NWD2: variants seen among roughly 807,000 people sequenced by gnomAD.
NWD2 encodes NACHT and WD repeat domain-containing protein 2.
Under a neutral mutation model 132.7 loss-of-function variants are expected in NWD2, and 37 were observed. The ratio of observed to expected loss-of-function variants is 0.28; its 90% CI spans 0.21 to 0.37. The LOEUF (loss-of-function observed/expected upper bound fraction) is 0.37, where lower values mean the gene tolerates loss of function less well. Among genes scored for constraint, NWD2 ranks in the 10% least tolerant of loss-of-function variants. The pLI, the probability that NWD2 is intolerant of heterozygous loss-of-function variation, is 1.00. For synonymous variants in NWD2, 705 were observed against 803.0 expected (o/e 0.88, Z 2.06); for missense variants, 1,592 against 2,122.4 (o/e 0.75, Z 4.91).
At position 37,430,784 on chromosome 4, in the gene NWD2, C is replaced by T. The variant is rs1382769363; in HGVS notation, c.561+9C>T. Reference sequence around the variant, plus strand: ...GAAGCAATAGAAATGCAGTAAGCTGCCTTTCCCTCAAGCCTATGGATCTGT... The same window carrying T: ...GAAGCAATAGAAATGCAGTAAGCTGTCTTTCCCTCAAGCCTATGGATCTGT... On this transcript the variant is annotated intron_variant, in intron 4 of 6. Coordinates refer to ENST00000309447, the MANE Select transcript of NWD2 (RefSeq NM_001144990.2). The T allele has an allele frequency of 6.5e-7, 1 of 1,549,350 alleles. No individual in the cohort carries two copies. Among genetic ancestry groups the T allele is most frequent in the South Asian group, 1.2e-5 (1 of 84,026 alleles).
intron 1 of NWD2, among the ~76,000 whole-genome samples, chr4:37,299,073 C>T (rs772697120): frequency 6.6e-6 from 1 of 152,106 alleles, no homozygotes; most frequent in Non-Finnish European, 1.5e-5. Context: ...AATTTCTCTT[C>T]AAATCTCTCA....
intron 2 of NWD2, among the ~76,000 whole-genome samples, chr4:37,353,245 T>C (rs1237510865): frequency 6.6e-6 from 1 of 151,726 alleles, no homozygotes; most frequent in Non-Finnish European, 1.5e-5. Context: ...GGGCTTCCCT[T>C]TCCCAACCTT....
chr4:37,335,825 A>C (rs1371705474), intron 2 of NWD2, among the ~76,000 whole-genome samples: 1 of 149,516 alleles, frequency 6.7e-6, no homozygotes, highest in Non-Finnish European at 1.5e-5. Flanking sequence ...GGTGCCAAAA[A>C]GTTTTGGGGA....
intron 2 of NWD2, among the ~76,000 whole-genome samples, chr4:37,348,100 G>C (rs941588890): frequency 2.0e-5 from 3 of 152,180 alleles, no homozygotes; most frequent in African/African-American, 7.2e-5. Context: ...TACAAAAATG[G>C]AGTATGATCC....
At chr4:37,369,694 A>T (rs1034900395) in intron 3 of NWD2, among the ~76,000 whole-genome samples, 3 of 152,186 alleles carry the variant, frequency 2.0e-5, no homozygotes, top group African/African-American at 7.2e-5. Context: ...ATGTGATGTA[A>T]TAGGTCAAAT....
intron 3 of NWD2, among the ~76,000 whole-genome samples, chr4:37,372,162 A>G (rs1029702225): frequency 6.6e-6 from 1 of 152,204 alleles, no homozygotes. Context: ...CCTCAACACT[A>G]TATTAAAACT....
At chr4:37,261,203 TGAA>T (rs771681327) in intron 1 of NWD2, among the ~76,000 whole-genome samples, 2 of 152,280 alleles carry the variant, frequency 1.3e-5, no homozygotes, top group East Asian at 1.9e-4. Context: ...ACTCAGCTAG[TGAA>T]GAAGGACACA....
intron 2 of NWD2, among the ~76,000 whole-genome samples, chr4:37,352,311 C>T (rs891494971): frequency 3.9e-5 from 6 of 152,086 alleles, no homozygotes; most frequent in African/African-American, 4.8e-5. Context: ...ATATGGGAGT[C>T]TAAGTCTCTT....
Position 37,446,626 on chromosome 4 carries a change from A to C in NWD2, c.4638A>C (p.Glu1546Asp). 6.4e-7 allele frequency: 1 copy of C among 1,551,570 alleles called. No homozygotes were observed. Among genetic ancestry groups the C allele is most frequent in the South Asian group, 1.2e-5 (1 of 84,042 alleles). Residue 1546 changes from glutamate (E) to aspartate (D), a missense_variant, in exon 7 of 7, where the codon GAA becomes GAC. Glu to Asp is a conservative substitution (Grantham distance 45, BLOSUM62 2). Transcript: ENST00000309447. This position sits in a 1 kb window ranked among gnomAD's most constrained non-coding sequence, Gnocchi z 6.7. The part of the protein sequence containing the change: ...GKLGIIARGD[E>D]NINVLDLYSG... The stretch of plus-strand genomic sequence containing the variant: ...TAGGCATTATAGCCAGGGGAGATGA[A>C]AACATCAATGTGCTAGATTTATACA...
At chr4:37,428,457 A>G (rs1712066184) in intron 3 of NWD2, among the ~76,000 whole-genome samples, 1 of 152,232 alleles carries the variant, frequency 6.6e-6, no homozygotes. Context: ...GCTAGATAAG[A>G]TGAAGATTAA....
At chr4:37,251,010 C>T (rs1717347051) in intron 1 of NWD2, among the ~76,000 whole-genome samples, 1 of 152,264 alleles carries the variant, frequency 6.6e-6, no homozygotes, top group South Asian at 2.1e-4. Flanking sequence ...TGCAGTGGCT[C>T]ACGCCTATAA....
At chr4:37,317,452 A>G (rs1362788797) in intron 1 of NWD2, among the ~76,000 whole-genome samples, 1 of 152,170 alleles carries the variant, frequency 6.6e-6, no homozygotes, top group East Asian at 1.9e-4. Flanking sequence ...GCTACTAACA[A>G]TACTGGTAGA....
At chr4:37,281,892 A>G (rs1367902227) in intron 1 of NWD2, among the ~76,000 whole-genome samples, 1 of 152,236 alleles carries the variant, frequency 6.6e-6, no homozygotes, top group Non-Finnish European at 1.5e-5. Context: ...ATACACAAAC[A>G]ATAACACTCT....
At position 37,325,841 on chromosome 4, in the gene NWD2, A is replaced by G. The variant is rs76514406; in HGVS notation, c.152-95A>G. The G allele has an allele frequency of 2.6e-3, 1,808 of 706,532 alleles. 20 individuals carry two copies. In the African/African-American group the frequency reaches 0.029, roughly 11 times the overall value. The allele number at this position is 706,532 out of a possible 1,614,324, so 43.8% of individuals were successfully genotyped here. ...CAATCCAGCACCTCAACTTGATTGT[A>G]TTACTGTTAGTATTTATTTTTAGGT... is the stretch of plus-strand genomic sequence containing the variant. On this transcript the variant is annotated intron_variant, in intron 1 of 6. Transcript: ENST00000309447.
chr4:37,360,302 T>C (rs911599260), intron 3 of NWD2, among the ~76,000 whole-genome samples: 5 of 152,190 alleles, frequency 3.3e-5, no homozygotes, highest in Non-Finnish European at 7.3e-5. Flanking sequence ...ATAAAAAGTT[T>C]TCATTTATAT....
chr4:37,357,832 A>G (rs1233368848), intron 3 of NWD2, among the ~76,000 whole-genome samples: 1 of 152,148 alleles, frequency 6.6e-6, no homozygotes, highest in East Asian at 1.9e-4. Context: ...AAGATAAAAC[A>G]GTCAGAGGAG....
intron 1 of NWD2, among the ~76,000 whole-genome samples, chr4:37,252,759 C>G (rs1448084437): frequency 3.3e-5 from 5 of 152,256 alleles, no homozygotes; most frequent in African/African-American, 1.2e-4. Flanking sequence ...GAGTCCAGCC[C>G]AAGATTCCTT....
At chr4:37,248,856 A>G (rs1196173941) in intron 1 of NWD2, among the ~76,000 whole-genome samples, 1 of 152,242 alleles carries the variant, frequency 6.6e-6, no homozygotes, top group Non-Finnish European at 1.5e-5. Context: ...ATTATCTGTG[A>G]TCATCTGGGC....
chr4:37,353,683 T>C (rs1398213552), intron 2 of NWD2, among the ~76,000 whole-genome samples: 1 of 152,056 alleles, frequency 6.6e-6, no homozygotes, highest in Non-Finnish European at 1.5e-5. Context: ...TGCTGTGTTT[T>C]TCAGCTCCAT....
Sources: allele counts gnomAD v4.1 joint callset (sites outside exome capture counted in the v4.1 genomes callset), GRCh38; gene constraint gnomAD v4.1.1; non-coding constraint Gnocchi (gnomAD v3.1); transcripts MANE v1.5; gene names NCBI Gene and HGNC (gene_info 2026-07-23, HGNC 2026-07-21).